The following VMP1 variants were observed in gnomAD, a reference collection of about 807,000 sequenced individuals.
The protein encoded by VMP1 is ectopic P-granules autophagy protein 3 homolog.
VMP1 carries 11 observed loss-of-function variants against 56.0 expected under a neutral mutation model. The ratio of observed to expected loss-of-function variants is 0.20; its 90% confidence interval spans 0.12 to 0.32. VMP1 has a LOEUF of 0.32. Among genes scored for constraint, VMP1 ranks in the 10% least tolerant of loss-of-function variants. The pLI is 1.00. For missense variants in VMP1, 296 were observed against 490.3 expected (o/e 0.60, Z 3.74); for synonymous variants, 149 against 165.0 (o/e 0.90, Z 0.74).
chr17:59,720,189 A>G (rs1023580478), intron 1 of VMP1, among the ~76,000 whole-genome samples: 1 of 152,244 alleles, frequency 6.6e-6, no homozygotes, highest in African/African-American at 2.4e-5. Flanking sequence ...ACATCTAGGA[A>G]TCTCACTGAC....
chr17:59,771,527 A>G (rs2036423979), intron 6 of VMP1, among the ~76,000 whole-genome samples: 1 of 151,808 alleles, frequency 6.6e-6, no homozygotes, highest in Admixed American at 6.6e-5. Context: ...TCTTTATTAT[A>G]CCAGTTTTTA....
intron 7 of VMP1, among the ~76,000 whole-genome samples, chr17:59,777,349 C>T (rs1189662278): frequency 6.6e-6 from 1 of 152,092 alleles, no homozygotes; most frequent in Non-Finnish European, 1.5e-5. Context: ...GGTTGAAAAT[C>T]ACTTTTTATA....
intron 7 of VMP1, among the ~76,000 whole-genome samples, chr17:59,801,588 T>G (rs2037667079): frequency 6.6e-6 from 1 of 152,080 alleles, no homozygotes; most frequent in Non-Finnish European, 1.5e-5. Flanking sequence ...TATTTGTACC[T>G]TTTTTATATT....
At chr17:59,793,140 C>T (rs1233132468) in intron 7 of VMP1, among the ~76,000 whole-genome samples, 1 of 110,466 alleles carries the variant, frequency 9.1e-6, no homozygotes, top group African/African-American at 2.7e-5. Context: ...GGCCTTCCAA[C>T]GTGCTAGGAT....
At chr17:59,794,510 G>A (rs1000602252) in intron 7 of VMP1, among the ~76,000 whole-genome samples, 3 of 123,324 alleles carry the variant, frequency 2.4e-5, no homozygotes, top group East Asian at 2.5e-4. Context: ...GAGCCCCCGC[G>A]CCCTGCATTT....
At chr17:59,714,040 TAAAAG>T (rs1333680704) in intron 1 of VMP1, among the ~76,000 whole-genome samples, 2 of 121,182 alleles carry the variant, frequency 1.7e-5, no homozygotes, top group East Asian at 4.7e-4. Context: ...GACTCCGTCT[TAAAAG>T]GAAAAAAAAA....
Position 59,841,217 on chromosome 17 carries a change from G to A in VMP1, c.*1306G>A. ...TTTTTTTATCAAATCCTGCCTGACT[G>A]TCTGCTTGTTTTGCCTACCATCGTG... On this transcript the variant is annotated 3_prime_UTR_variant, in exon 12 of 12. Transcript: ENST00000262291. 2.2e-6 allele frequency: 1 copy of A among 449,422 alleles called. No homozygotes were observed. Among genetic ancestry groups the A allele is most frequent in the Admixed American group, 2.1e-5 (1 of 47,082 alleles). The allele number at this position is 449,422 out of a possible 1,614,324, so 27.8% of individuals were successfully genotyped here.
chr17:59,794,517 ATTTTTTTTTTT>A (rs71145572), intron 7 of VMP1, among the ~76,000 whole-genome samples: 8 of 43,090 alleles, frequency 1.9e-4, no homozygotes, highest in African/African-American at 5.8e-4. Context: ...CGCGCCCTGC[ATTTTTTTTTTT>A]TTTTTTTTTT....
At chr17:59,784,510 C>G (rs1013003811) in intron 7 of VMP1, among the ~76,000 whole-genome samples, 1 of 152,120 alleles carries the variant, frequency 6.6e-6, no homozygotes, top group Non-Finnish European at 1.5e-5. Context: ...ATTCTACCTT[C>G]TTTTAAAACT....
At chr17:59,839,680 C>T in intron 11 of VMP1, 88 bp from the exon 12 acceptor site, 2 of 1,453,840 alleles carry the variant, frequency 1.4e-6, no homozygotes, top group South Asian at 1.4e-5. Flanking sequence ...TTGTAAGTTA[C>T]ACACTTCAAG....
chr17:59,790,263 G>C (rs80122835), intron 7 of VMP1, among the ~76,000 whole-genome samples: 5,612 of 152,092 alleles, frequency 0.037, 372 homozygotes, highest in African/African-American at 0.13. Flanking sequence ...TTAAACTAAG[G>C]CCCTATGAAG....
intron 7 of VMP1, among the ~76,000 whole-genome samples, chr17:59,775,087 G>A (rs576994130): frequency 2.3e-4 from 35 of 151,858 alleles, no homozygotes; most frequent in Admixed American, 1.3e-3. Context: ...GACTACAGGC[G>A]CCTGCCACCA....
At position 59,792,854 on chromosome 17, in the gene VMP1, AAAT is replaced by A. The variant is rs1157443211; in HGVS notation, c.715-15920_715-15918del. 1.9e-4 allele frequency among the ~76,000 whole-genome samples: 16 copies of A among 86,430 alleles called. 3 individuals carry two copies. Among genetic ancestry groups the A allele is most frequent in the Admixed American group, 6.4e-4 (5 of 7,822 alleles). 56.7% of individuals were successfully genotyped at this position (86,430 alleles called of 152,430 possible). A position where few individuals can be genotyped will look rare whatever the true frequency, so the allele number is the denominator to read the frequency against. On this transcript the variant is annotated intron_variant, in intron 7 of 11. Coordinates refer to ENST00000262291, the MANE Select transcript of VMP1 (RefSeq NM_030938.5). ...ACATGAGCAAAAACGCCATCTCAAAAAATAATAATAATAATAATAATAATTATT... is the reference window on the plus strand; with the variant it reads ...ACATGAGCAAAAACGCCATCTCAAAAAATAATAATAATAATAATAATTATT...
At chr17:59,749,755 C>T (rs1049258657) in intron 5 of VMP1, among the ~76,000 whole-genome samples, 2 of 152,044 alleles carry the variant, frequency 1.3e-5, no homozygotes, top group African/African-American at 4.8e-5. Context: ...AGTGATCAGC[C>T]CCCCTCAGCC....
At chr17:59,727,086 A>G (rs1040542243) in intron 1 of VMP1, among the ~76,000 whole-genome samples, 1 of 151,924 alleles carries the variant, frequency 6.6e-6, no homozygotes, top group African/African-American at 2.4e-5. Context: ...AGAAAAACTG[A>G]TGTTTAGAGA....
chr17:59,715,796 A>C (rs1363931674), intron 1 of VMP1, among the ~76,000 whole-genome samples: 1 of 152,160 alleles, frequency 6.6e-6, no homozygotes, highest in Non-Finnish European at 1.5e-5. Flanking sequence ...AAATTATTCC[A>C]AGTATGTAAT....
intron 1 of VMP1, among the ~76,000 whole-genome samples, chr17:59,728,392 C>T (rs928856258): frequency 6.6e-6 from 1 of 152,164 alleles, no homozygotes; most frequent in African/African-American, 2.4e-5. Context: ...AGCATCTTAT[C>T]AAGTGACTTC....
chr17:59,732,305 G>A (rs2034854813), intron 2 of VMP1, among the ~76,000 whole-genome samples: 1 of 152,186 alleles, frequency 6.6e-6, no homozygotes, highest in African/African-American at 2.4e-5. Flanking sequence ...GAGTGCAATG[G>A]TGCGATCTTG....
At chr17:59,827,837 G>A (rs1331273479) in intron 10 of VMP1, among the ~76,000 whole-genome samples, 3 of 152,014 alleles carry the variant, frequency 2.0e-5, no homozygotes, top group African/African-American at 4.8e-5. Context: ...GGAAGGTTGA[G>A]GCAGGAAGAT....
Sources: gnomAD v4.1 joint callset for allele counts (sites outside exome capture counted in the v4.1 genomes callset) on GRCh38, gnomAD v4.1.1 for gene constraint, MANE v1.5 for transcripts, NCBI Gene and HGNC (gene_info 2026-07-23, HGNC 2026-07-21) for gene names.